SLC26A5: variants seen among roughly 807,000 people sequenced by gnomAD.
SLC26A5 encodes prestin.
SLC26A5 carries 51 observed loss-of-function variants against 81.0 expected under a neutral mutation model. The ratio of observed to expected loss-of-function variants is 0.63; its 90% CI spans 0.50 to 0.80. The LOEUF is 0.80. Ranked by LOEUF, SLC26A5 falls within the 30% of genes least tolerant of loss-of-function variation. The probability of loss-of-function intolerance (pLI) is 0.00; values close to 1 mark genes in which losing one functional copy is unlikely to be tolerated. For synonymous variants in SLC26A5, 325 were observed against 332.8 expected, an observed-to-expected ratio of 0.98 and a Z score of 0.25; for missense variants, 771 against 905.8, an observed-to-expected ratio of 0.85 and a Z score of 1.91.
intron 2 of SLC26A5, among the ~76,000 whole-genome samples, chr7:103,427,453 C>G (rs1443696257): frequency 2.6e-5 from 4 of 152,144 alleles, no homozygotes; most frequent in Non-Finnish European, 5.9e-5. Flanking sequence ...CATCTACACT[C>G]ACTTGGGGGT....
At chr7:103,358,504 C>T (rs1308482611) in intron 19 of SLC26A5, among the ~76,000 whole-genome samples, 1 of 151,948 alleles carries the variant, frequency 6.6e-6, no homozygotes, top group Non-Finnish European at 1.5e-5. Context: ...TGTTTTTCTT[C>T]TTTTTGCCTT....
At chr7:103,359,149 T>C (rs1820222151) in intron 19 of SLC26A5, among the ~76,000 whole-genome samples, 1 of 110,534 alleles carries the variant, frequency 9.0e-6, no homozygotes, top group African/African-American at 3.5e-5. Context: ...TTTTTTTTTT[T>C]TTTTTTTTTT....
chr7:103,375,093 T>C (rs951627519), intron 19 of SLC26A5, among the ~76,000 whole-genome samples: 5 of 144,458 alleles, frequency 3.5e-5, no homozygotes, highest in South Asian at 2.4e-4. Flanking sequence ...TACACACACA[T>C]ATATATACAT....
Position 103,364,006 on chromosome 7 carries a change from TTAA to T in SLC26A5, c.2042-11083_2042-11081del, listed in dbSNP as rs2116245380. 12 of 808,580 alleles carry T rather than the reference TTAA, an allele frequency of 1.5e-5. No homozygotes were observed. The South Asian group carries it at 2.1e-4, about 14-fold the overall frequency. 50.1% of individuals were successfully genotyped at this position (808,580 alleles called of 1,614,324 possible). A position where few individuals can be genotyped will look rare whatever the true frequency, so the allele number is the denominator to read the frequency against. The stretch of plus-strand genomic sequence containing the variant: ...TAGTTCAAGTATGTATATTGTGGAC[TTAA>T]TAATTTTGATTTAAATATTAAAGTA... On this transcript the variant is annotated intron_variant, in intron 19 of 19. Coordinates refer to the SLC26A5 transcript ENST00000339444.
intron 19 of SLC26A5, chr7:103,368,909 G>A (rs538457867): frequency 6.1e-5 from 6 of 99,138 alleles, no homozygotes; most frequent in African/African-American, 1.8e-4. Context: ...AAAAATAAAG[G>A]TTATATTAGA....
intron 9 of SLC26A5, among the ~76,000 whole-genome samples, chr7:103,393,373 C>A (rs1451114224): frequency 6.6e-6 from 1 of 152,122 alleles, no homozygotes; most frequent in East Asian, 1.9e-4. Context: ...GTAAGTAAGA[C>A]ACAGAAACCA....
At chr7:103,408,680 A>G (rs1353508898) in intron 7 of SLC26A5, among the ~76,000 whole-genome samples, 1 of 152,228 alleles carries the variant, frequency 6.6e-6, no homozygotes, top group Non-Finnish European at 1.5e-5. Flanking sequence ...AAATACATTG[A>G]AAAGCTTTTA....
chr7:103,400,954 G>T (rs1312174636), intron 8 of SLC26A5, among the ~76,000 whole-genome samples: 12 of 152,086 alleles, frequency 7.9e-5, no homozygotes, highest in Non-Finnish European at 1.6e-4. Context: ...TGCTGTTTTG[G>T]TTACTGTAGC....
At chr7:103,371,592 T>TG (rs199610093), downstream of SLC26A5, among the ~76,000 whole-genome samples, 11,810 of 151,854 alleles carry the variant, frequency 0.078, 573 homozygotes, top group South Asian at 0.14. Context: ...CCCAAAGTAC[T>TG]GGATTACAGG....
At chr7:103,442,132 A>G (rs908845998) in intron 2 of SLC26A5, among the ~76,000 whole-genome samples, 3 of 136,728 alleles carry the variant, frequency 2.2e-5, no homozygotes, top group African/African-American at 9.9e-5. Flanking sequence ...CCCCACCTTC[A>G]TCACTCTTTT....
At chr7:103,378,349 G>C in intron 17 of SLC26A5, 97 bp downstream of exon 17, 4 of 1,214,038 alleles carry the variant, frequency 3.3e-6, no homozygotes, top group South Asian at 1.2e-5. Context: ...TCCTCTTTTA[G>C]TAACTTCGTG....
At position 103,411,570 on chromosome 7, in the gene SLC26A5, A is replaced by G; in HGVS notation, c.420T>C (p.Ile140=). The G allele has an allele frequency of 6.2e-7, 1 of 1,614,206 alleles. No homozygotes were observed. The highest frequency in any genetic ancestry group is 1.7e-4 in the Middle Eastern group (1 of 6,060). The stretch of plus-strand genomic sequence containing the variant: ...CAGCTACACCACCAATCATCAGGCT[A>G]ATAACAGCAAAAGGACCTGAAATAA... ...RHISIGPFAV[I]SLMIGGVAVR... is the part of the protein sequence containing the mutation. The change falls in exon 6 of 20, where the codon ATT becomes ATC. Residue 140 remains isoleucine (I), a synonymous_variant. Transcript: ENST00000306312.
At chr7:103,394,075 T>C (rs1822892544) in intron 9 of SLC26A5, among the ~76,000 whole-genome samples, 2 of 152,230 alleles carry the variant, frequency 1.3e-5, no homozygotes, top group Admixed American at 1.3e-4. Context: ...GCAGCTCATC[T>C]ACCAAGTACA....
At chr7:103,403,687 A>G (rs113940877) in intron 8 of SLC26A5, among the ~76,000 whole-genome samples, 3,172 of 141,722 alleles carry the variant, frequency 0.022, 114 homozygotes, top group African/African-American at 0.079. Context: ...TAGAACTGCA[A>G]TCCCCTGCTT....
intron 2 of SLC26A5, among the ~76,000 whole-genome samples, chr7:103,442,117 C>T (rs1056283366): frequency 3.3e-5 from 5 of 150,350 alleles, no homozygotes; most frequent in Non-Finnish European, 7.4e-5. Flanking sequence ...AGTCCATTGT[C>T]TCCTCCCCAC....
At chr7:103,361,337 A>G (rs1400172187) in intron 19 of SLC26A5, among the ~76,000 whole-genome samples, 3 of 120,024 alleles carry the variant, frequency 2.5e-5, no homozygotes, top group Non-Finnish European at 5.3e-5. Flanking sequence ...CCTCTCTACT[A>G]AAAAAAAAAA....
chr7:103,403,402 T>C (rs748187196), intron 8 of SLC26A5, among the ~76,000 whole-genome samples: 1 of 152,180 alleles, frequency 6.6e-6, no homozygotes, highest in Non-Finnish European at 1.5e-5. Context: ...GGTCCAGAGC[T>C]GAGTTCAAGT....
At position 103,391,746 on chromosome 7, in the gene SLC26A5, T is replaced by C. The variant is rs747274390; in HGVS notation, c.1120-11A>G. 7.5e-6 allele frequency: 12 copies of C among 1,608,222 alleles called. No individual in the cohort carries two copies. The highest frequency in any genetic ancestry group is 1.7e-5 in the Admixed American group (1 of 59,756). The stretch of plus-strand genomic sequence containing the variant: ...CAGGGCAATGAGCTCCTTTCCCATG[T>C]AGAAACAAAACACAAAAGAGATAGG... On this transcript the variant is annotated splice_polypyrimidine_tract_variant and intron_variant, in intron 10 of 19. Coordinates refer to ENST00000306312, the MANE Select transcript of SLC26A5 (RefSeq NM_198999.3).
intron 2 of SLC26A5, among the ~76,000 whole-genome samples, chr7:103,436,428 T>C (rs1263429247): frequency 2.0e-5 from 3 of 152,196 alleles, no homozygotes; most frequent in Admixed American, 2.0e-4. Flanking sequence ...AGGCAGGTAC[T>C]ATTTTCTAAA....
Sources: allele counts gnomAD v4.1 joint callset (sites outside exome capture counted in the v4.1 genomes callset), GRCh38; gene constraint gnomAD v4.1.1; transcripts MANE v1.5; gene names NCBI Gene and HGNC (gene_info 2026-07-23, HGNC 2026-07-21).